ADGRE2: variants seen among roughly 807,000 people sequenced by gnomAD.
ADGRE2 encodes the protein CD97 antigen.
ADGRE2 carries 83 observed loss-of-function variants against 100.8 expected under a neutral mutation model. That is an observed-to-expected ratio of 0.82 (90% CI 0.69 to 0.99). ADGRE2 has a LOEUF of 0.99. Ranked by LOEUF, ADGRE2 falls within the 50% of genes least tolerant of loss-of-function variation. The pLI is 0.00. For synonymous variants in ADGRE2, 355 were observed against 413.0 expected, an observed-to-expected ratio of 0.86 and a Z score of 1.70; for missense variants, 814 against 1,035.7, an observed-to-expected ratio of 0.79 and a Z score of 2.94.
At chr19:14,775,093 C>T (rs2044387329) in intron 2 of ADGRE2, among the ~76,000 whole-genome samples, 1 of 151,822 alleles carries the variant, frequency 6.6e-6, no homozygotes, top group African/African-American at 2.4e-5. Context: ...ATCTCCACCT[C>T]CTGGGTTCAA....
At position 14,749,527 on chromosome 19, in the gene ADGRE2, ATTAT is replaced by A. The variant is rs555119989; in HGVS notation, c.2024+1905_2024+1908del. 8.9e-4 allele frequency among the ~76,000 whole-genome samples: 106 copies of A among 119,472 alleles called. 8 individuals are homozygous for A. The highest frequency in any genetic ancestry group is 3.8e-3 in the African/African-American group (95 of 24,964). 78.4% of individuals were successfully genotyped at this position (119,472 alleles called of 152,430 possible). Reference sequence around the variant, plus strand: ...TAATTATTTATAGTTATGTAATATAATTATTTATGGTTATATAATTATTTATAGT... The same window carrying A: ...TAATTATTTATAGTTATGTAATATAATTATGGTTATATAATTATTTATAGT... On this transcript the variant is annotated intron_variant, in intron 16 of 20. Transcript: ENST00000315576.
intron 5 of ADGRE2, among the ~76,000 whole-genome samples, chr19:14,771,034 T>C (rs1174066947): frequency 6.6e-6 from 1 of 152,134 alleles, no homozygotes; most frequent in Non-Finnish European, 1.5e-5. Flanking sequence ...TCAAGATATG[T>C]GCATGCAATG....
rs1355436682 is a variant in ADGRE2, at chr19:14,735,145, T to TGG, written c.*1089_*1090dup. ...TCTTTGTTAGAAAAGAAAATGATTT[T>TGG]GGGGGCTGCTTTTCATTAAATGGAA... On this transcript the variant is annotated 3_prime_UTR_variant, in exon 21 of 21. Coordinates refer to ENST00000315576, the MANE Select transcript of ADGRE2 (RefSeq NM_013447.4). The TGG allele has an allele frequency of 6.6e-6, 1 of 152,228 alleles. No homozygotes were observed. The highest frequency in any genetic ancestry group is 1.5e-5 in the Non-Finnish European group (1 of 68,040). The allele number at this position is 152,228 out of a possible 1,614,324, so 9.4% of individuals were successfully genotyped here.
chr19:14,736,450 A>G (rs1176265416), intron 20 of ADGRE2, among the ~76,000 whole-genome samples: 1 of 151,920 alleles, frequency 6.6e-6, no homozygotes, highest in African/African-American at 2.4e-5. Flanking sequence ...TAGTAGAGAC[A>G]GGGTTTCACC....
chr19:14,764,905 T>C (rs1221514800), intron 10 of ADGRE2, among the ~76,000 whole-genome samples: 35 of 152,042 alleles, frequency 2.3e-4, no homozygotes. Context: ...TAATCCTAGC[T>C]ACTCAGGGGG....
chr19:14,762,118 T>C (rs2043747743), intron 11 of ADGRE2, among the ~76,000 whole-genome samples: 1 of 152,124 alleles, frequency 6.6e-6, no homozygotes, highest in Non-Finnish European at 1.5e-5. Context: ...TCCTGAGGGC[T>C]GTGTCACGGG....
chr19:14,749,843 CTA>C lies in ADGRE2; in HGVS notation c.2024+1591_2024+1592del, dbSNP rs562723617. 2.5e-4 allele frequency among the ~76,000 whole-genome samples: 13 copies of C among 51,848 alleles called. 3 individuals carry two copies. The highest frequency in any genetic ancestry group is 2.1e-3 in the South Asian group (2 of 966). 34.0% of individuals were successfully genotyped at this position (51,848 alleles called of 152,430 possible). A position where few individuals can be genotyped will look rare whatever the true frequency, so the allele number is the denominator to read the frequency against. On this transcript the variant is annotated intron_variant, in intron 16 of 20. Transcript: ENST00000315576. The stretch of plus-strand genomic sequence containing the variant: ...TTCATAGTTACATAATTATTTATAG[CTA>C]TGTTATGTATTCATAGTTACATAAT...
rs368013419 is a variant in ADGRE2 at position 14,736,172 on chromosome 19, A to G, written c.*64T>C. ...ACAAAGTCTTTTCTTTCCCCTCTAG[A>G]TGGCTCAAAGATTGTTCAGATTTTC... On this transcript the variant is annotated 3_prime_UTR_variant, in exon 21 of 21. Transcript: ENST00000315576. 5 of 1,520,210 alleles carry G rather than the reference A, an allele frequency of 3.3e-6. No homozygotes were observed. The African/African-American group carries it at 5.5e-5, about 17-fold the overall frequency. The allele number at this position is 1,520,210 out of a possible 1,614,324, so 94.2% of individuals were successfully genotyped here.
chr19:14,736,859 A>G (rs1392837092), intron 20 of ADGRE2, among the ~76,000 whole-genome samples: 1 of 95,856 alleles, frequency 1.0e-5, no homozygotes, highest in Non-Finnish European at 2.6e-5. Flanking sequence ...AGAAATATAT[A>G]GATATTTAAT....
chr19:14,751,456 G>A lies in ADGRE2; in HGVS notation c.2004C>T (p.His668=). 11 of 1,613,900 alleles carry A rather than the reference G, an allele frequency of 6.8e-6. No homozygotes were observed. The highest frequency in any genetic ancestry group is 9.3e-6 in the Non-Finnish European group (11 of 1,179,806). ...TVAISAASRP[H]LYGTPSRCWL... ...CTAACCGGGAAGGTGTTCCATAAAG[G>A]TGAGGCCTGGAGGCTGCAGAAATGG... Residue 668 remains histidine, a synonymous_variant, in exon 16 of 21, where the codon CAC becomes CAT. Transcript: ENST00000315576.
intron 11 of ADGRE2, among the ~76,000 whole-genome samples, chr19:14,760,337 A>G (rs2043672562): frequency 1.3e-5 from 2 of 152,202 alleles, no homozygotes; most frequent in South Asian, 4.1e-4. Context: ...AGATTTATGT[A>G]TCAATAAAAG....
chr19:14,754,544 A>G (rs1361771578), intron 14 of ADGRE2, among the ~76,000 whole-genome samples: 1 of 152,152 alleles, frequency 6.6e-6, no homozygotes, highest in East Asian at 1.9e-4. Context: ...CTTAAGAGGG[A>G]TTCTGCGTGA....
chr19:14,776,976 GCACACACACA>G lies in ADGRE2; in HGVS notation c.-171-59_-171-50del, dbSNP rs58154734. The G allele has an allele frequency of 3.6e-4, 373 of 1,025,836 alleles. 1 individual carries two copies. Among genetic ancestry groups the G allele is most frequent in the East Asian group, 8.7e-4 (19 of 21,934 alleles). 63.5% of individuals were successfully genotyped at this position (1,025,836 alleles called of 1,614,324 possible). ...ATAAAAACACAGAACCAGGGGCGCT[GCACACACACA>G]CACACACACACACACACACACACAC... On this transcript the variant is annotated intron_variant, in intron 1 of 20. Coordinates refer to ENST00000315576, the MANE Select transcript of ADGRE2 (RefSeq NM_013447.4).
At chr19:14,741,946 C>A in intron 20 of ADGRE2, 1 of 398,460 alleles carries the variant, frequency 2.5e-6, no homozygotes, top group Non-Finnish European at 4.4e-6. Context: ...TATTAGTCAT[C>A]AATGTCATGA....
intron 16 of ADGRE2, among the ~76,000 whole-genome samples, chr19:14,750,817 T>C (rs1336843929): frequency 2.0e-5 from 3 of 152,110 alleles, no homozygotes; most frequent in Non-Finnish European, 4.4e-5. Flanking sequence ...CCCTAACTAT[T>C]ATTATTATTT....
chr19:14,729,850 C>T (rs550623407), downstream of ADGRE2, among the ~76,000 whole-genome samples: 2 of 152,252 alleles, frequency 1.3e-5, no homozygotes, highest in African/African-American at 4.8e-5. Flanking sequence ...ATGTATACAT[C>T]CATTAAACAT....
intron 6 of ADGRE2, among the ~76,000 whole-genome samples, chr19:14,766,613 G>A (rs552879028): frequency 6.6e-6 from 1 of 152,306 alleles, no homozygotes; most frequent in South Asian, 2.1e-4. Flanking sequence ...AAACCAAAAG[G>A]GAAACTGAGT....
chr19:14,757,375 C>A (rs1039186015), intron 11 of ADGRE2, among the ~76,000 whole-genome samples: 2 of 148,214 alleles, frequency 1.3e-5, no homozygotes, highest in Non-Finnish European at 3.0e-5. Context: ...AAGAAAAGTT[C>A]ATCTTAAAAT....
rs1041201904 is a variant in ADGRE2, at chr19:14,759,752, C to T, written c.1085-3407G>A. Among the ~76,000 whole-genome samples the T allele has an allele frequency of 1.3e-5, 2 of 151,666 alleles. 1 individual carries two copies. The highest frequency in any genetic ancestry group is 4.2e-4 in the South Asian group (2 of 4,812). On this transcript the variant is annotated intron_variant, in intron 11 of 20. Transcript: ENST00000315576. Reference sequence around the variant, plus strand: ...TCAGGTGATCTGCCTGCCTTGACCTCCCAAAGTGCTAGGATTACGGGTGTG... The same window carrying T: ...TCAGGTGATCTGCCTGCCTTGACCTTCCAAAGTGCTAGGATTACGGGTGTG...
Sources: gnomAD v4.1 joint callset for allele counts (sites outside exome capture counted in the v4.1 genomes callset) on GRCh38, gnomAD v4.1.1 for gene constraint, MANE v1.5 for transcripts, NCBI Gene and HGNC (gene_info 2026-07-23, HGNC 2026-07-21) for gene names.